The following SDK1 variants were observed in gnomAD, a reference collection of about 807,000 sequenced individuals.
The protein encoded by SDK1 is protein sidekick-1.
Under a neutral mutation model 245.5 loss-of-function variants are expected in SDK1, and 157 were observed. The observed-to-expected ratio is 0.64, with a 90% CI of 0.56 to 0.73. The LOEUF is 0.73. Ranked by LOEUF, SDK1 falls within the 30% of genes least tolerant of loss-of-function variation. SDK1 has a pLI of 0.00. For missense variants in SDK1, 3,583 were observed against 3,002.3 expected (o/e 1.19, Z -4.52); for synonymous variants, 1,647 against 1,278.5 (o/e 1.29, Z -6.15).
At chr7:3,455,108 G>A (rs965046559) in intron 1 of SDK1, among the ~76,000 whole-genome samples, 6 of 151,338 alleles carry the variant, frequency 4.0e-5, no homozygotes, top group African/African-American at 7.3e-5. Flanking sequence ...ATATCTGTTC[G>A]TGTCATTTGT....
chr7:3,942,229 A>G (rs1359234237), intron 5 of SDK1, among the ~76,000 whole-genome samples: 1 of 152,178 alleles, frequency 6.6e-6, no homozygotes, highest in Admixed American at 6.5e-5. Context: ...TCTCTCAGCA[A>G]GTGCTTATAG....
At chr7:3,356,871 C>A (rs2128559565) in intron 1 of SDK1, among the ~76,000 whole-genome samples, 1 of 152,042 alleles carries the variant, frequency 6.6e-6, no homozygotes, top group South Asian at 2.1e-4. Flanking sequence ...GCCTGACCAA[C>A]ATGGTGAAAC....
intron 22 of SDK1, among the ~76,000 whole-genome samples, chr7:4,082,493 C>A (rs988768811): frequency 6.7e-6 from 1 of 150,242 alleles, no homozygotes; most frequent in Non-Finnish European, 1.5e-5. Context: ...TGAGATCATG[C>A]CACTGTACTT....
chr7:3,952,120 T>C, intron 7 of SDK1, 200 bp downstream of exon 7: 1 of 577,296 alleles, frequency 1.7e-6, no homozygotes. Context: ...GTGTTGATGT[T>C]CTCAATCCTT....
chr7:3,564,350 A>G (rs193045184), intron 1 of SDK1, among the ~76,000 whole-genome samples: 1 of 152,040 alleles, frequency 6.6e-6, no homozygotes, highest in Non-Finnish European at 1.5e-5. Context: ...AAAATACAGG[A>G]CAATGCTGGC....
chr7:3,499,668 G>A lies in SDK1; in HGVS notation c.299-119412G>A, dbSNP rs141716226. ...TATACCCATCGCTGTGTAAGGGCAC[G>A]GCAGTGTTGCCACTGCAGGCTACTA... is the stretch of plus-strand genomic sequence containing the variant. On this transcript the variant is annotated intron_variant, in intron 1 of 44. Coordinates refer to ENST00000404826, the MANE Select transcript of SDK1 (RefSeq NM_152744.4). Among the ~76,000 whole-genome samples the A allele has an allele frequency of 1.1e-3, 174 of 152,264 alleles. 1 individual carries two copies. Among genetic ancestry groups the A allele is most frequent in the African/African-American group, 3.9e-3 (163 of 41,544 alleles).
intron 13 of SDK1, among the ~76,000 whole-genome samples, chr7:3,980,320 G>T (rs536548934): frequency 2.0e-4 from 30 of 152,216 alleles, no homozygotes; most frequent in African/African-American, 7.0e-4. Context: ...GTTAATTTCT[G>T]ATATTCCTGA....
At chr7:3,780,029 C>A (rs1780684274) in intron 4 of SDK1, among the ~76,000 whole-genome samples, 1 of 152,038 alleles carries the variant, frequency 6.6e-6, no homozygotes, top group South Asian at 2.1e-4. Flanking sequence ...CTGACCCCCA[C>A]ACACCAAAAG....
At position 3,553,097 on chromosome 7, in the gene SDK1, C is replaced by G. The variant is rs1036009835; in HGVS notation, c.299-65983C>G. Among the ~76,000 whole-genome samples the G allele has an allele frequency of 4.3e-4, 66 of 151,986 alleles. 1 individual carries two copies. Among genetic ancestry groups the G allele is most frequent in the Non-Finnish European group, 1.3e-4 (9 of 68,002 alleles). ...TCTAGTATAATTATTTGATGGATTT[C>G]TTTCTGGTCTTTCCTATTCATATAT... On this transcript the variant is annotated intron_variant, in intron 1 of 44. Coordinates refer to ENST00000404826, the MANE Select transcript of SDK1 (RefSeq NM_152744.4).
intron 5 of SDK1, among the ~76,000 whole-genome samples, chr7:3,906,596 A>G (rs1778945216): frequency 6.8e-6 from 1 of 146,290 alleles, no homozygotes; most frequent in East Asian, 2.0e-4. Flanking sequence ...GCCCTCCAAG[A>G]CACAGGTAGC....
intron 36 of SDK1, 55 bp from the exon 37 acceptor site, chr7:4,208,044 C>A (rs986497685): frequency 1.4e-6 from 2 of 1,388,162 alleles, no homozygotes; most frequent in South Asian, 2.5e-5. Flanking sequence ...CAGTGGCCCC[C>A]GCTTACTGGA....
At chr7:4,259,974 G>C (rs1015300959) in intron 44 of SDK1, among the ~76,000 whole-genome samples, 2 of 152,254 alleles carry the variant, frequency 1.3e-5, no homozygotes, top group Admixed American at 6.5e-5. Context: ...TCCTCAGCCA[G>C]TTGCAGAGAT....
At chr7:3,452,458 T>C (rs1364505077) in intron 1 of SDK1, among the ~76,000 whole-genome samples, 1 of 152,216 alleles carries the variant, frequency 6.6e-6, no homozygotes, top group African/African-American at 2.4e-5. Flanking sequence ...ATCCCTGTAA[T>C]AAAGGTAACC....
intron 1 of SDK1, among the ~76,000 whole-genome samples, chr7:3,351,298 T>A (rs1780653531): frequency 6.6e-6 from 1 of 152,142 alleles, no homozygotes; most frequent in Non-Finnish European, 1.5e-5. Flanking sequence ...TAATAAAAAT[T>A]GGTGAATCAT....
chr7:3,661,422 G>A (rs893218940), intron 4 of SDK1, among the ~76,000 whole-genome samples: 1 of 152,172 alleles, frequency 6.6e-6, no homozygotes, highest in African/African-American at 2.4e-5. Flanking sequence ...GCTTATCTCT[G>A]ATCCTCTGTT....
Position 3,301,767 on chromosome 7 carries a change from G to T in SDK1, c.181G>T (p.Asp61Tyr). The change falls in exon 1 of 45, where the codon GAC becomes TAC. Residue 61 changes from aspartate to tyrosine, a missense_variant. Asp to Tyr is a radical substitution (Grantham distance 160, BLOSUM62 -3). Coordinates refer to ENST00000404826, the MANE Select transcript of SDK1 (RefSeq NM_152744.4). ...PRAAPETSGGDTAGAGRCGGR... is the reference protein window; with the variant it reads ...PRAAPETSGGYTAGAGRCGGR... ...GGCGGCGCCCGAGACCTCCGGCGGGGACACGGCGGGCGCGGGGCGGTGCGG... is the reference window on the plus strand; with the variant it reads ...GGCGGCGCCCGAGACCTCCGGCGGGTACACGGCGGGCGCGGGGCGGTGCGG... 1 of 990,014 alleles carries T rather than the reference G, an allele frequency of 1.0e-6. No homozygotes were observed. Among genetic ancestry groups the T allele is most frequent in the African/African-American group, 1.8e-5 (1 of 56,666 alleles). 61.3% of individuals were successfully genotyped at this position (990,014 alleles called of 1,614,324 possible). A position where few individuals can be genotyped will look rare whatever the true frequency, so the allele number is the denominator to read the frequency against.
intron 1 of SDK1, among the ~76,000 whole-genome samples, chr7:3,341,149 A>G (rs1780338600): frequency 2.6e-5 from 4 of 152,186 alleles, no homozygotes; most frequent in Admixed American, 1.3e-4. Context: ...AAATAGAGTA[A>G]TTAATAAAAA....
At chr7:4,018,610 A>G (rs1375872546) in intron 17 of SDK1, among the ~76,000 whole-genome samples, 1 of 152,180 alleles carries the variant, frequency 6.6e-6, no homozygotes, top group Non-Finnish European at 1.5e-5. Context: ...AAAGACTCAT[A>G]TTGCTATTAG....
chr7:4,146,595 G>A (rs150991906), intron 29 of SDK1, among the ~76,000 whole-genome samples: 47 of 152,362 alleles, frequency 3.1e-4, no homozygotes, highest in African/African-American at 1.1e-3. Context: ...GAGTACCTGG[G>A]GCAAGGCTGC....
Sources: gnomAD v4.1 joint callset for allele counts (sites outside exome capture counted in the v4.1 genomes callset) on GRCh38, gnomAD v4.1.1 for gene constraint, MANE v1.5 for transcripts, NCBI Gene and HGNC (gene_info 2026-07-23, HGNC 2026-07-21) for gene names.